The following DIAPH3 variants were observed in gnomAD, a reference collection of about 807,000 sequenced individuals.
The protein encoded by DIAPH3 is protein diaphanous homolog 3.
In DIAPH3, 117 loss-of-function variants were observed where a neutral mutation model predicts 144.3. The ratio of observed to expected loss-of-function variants is 0.81; its 90% CI spans 0.70 to 0.95. The LOEUF is 0.95. DIAPH3 is among the 40% of genes least tolerant of loss of function. DIAPH3 has a pLI of 0.00. For missense variants in DIAPH3, 1,421 were observed against 1,412.7 expected (o/e 1.01, Z -0.09); for synonymous variants, 519 against 488.9 (o/e 1.06, Z -0.81).
At chr13:59,774,396 G>T in intron 26 of DIAPH3, 148 bp from the exon 27 acceptor site, 1 of 712,062 alleles carries the variant, frequency 1.4e-6, no homozygotes, top group Non-Finnish European at 2.4e-6. Flanking sequence ...AAGCAGTAAT[G>T]TTATGACTTT....
chr13:59,709,584 G>A (rs1259007982), intron 27 of DIAPH3, among the ~76,000 whole-genome samples: 1 of 152,176 alleles, frequency 6.6e-6, no homozygotes, highest in Non-Finnish European at 1.5e-5. Flanking sequence ...TCATTAAAAA[G>A]TCAGCAAACA....
intron 27 of DIAPH3, among the ~76,000 whole-genome samples, chr13:59,762,815 A>G (rs902887642): frequency 6.6e-5 from 10 of 152,170 alleles, no homozygotes; most frequent in Non-Finnish European, 1.5e-4. Flanking sequence ...TTGTGACATG[A>G]GAACTTTACA....
chr13:59,868,738 C>T (rs1325431425), intron 21 of DIAPH3, among the ~76,000 whole-genome samples: 1 of 152,132 alleles, frequency 6.6e-6, no homozygotes. Context: ...TCCCTCTCCT[C>T]AGAACCCCTG....
chr13:59,803,766 A>C (rs886306076), intron 25 of DIAPH3, among the ~76,000 whole-genome samples: 1 of 152,178 alleles, frequency 6.6e-6, no homozygotes, highest in African/African-American at 2.4e-5. Flanking sequence ...TTCATAATTT[A>C]AGCTATGTTA....
At chr13:60,140,864 G>T (rs1310633570) in intron 1 of DIAPH3, among the ~76,000 whole-genome samples, 3 of 152,074 alleles carry the variant, frequency 2.0e-5, no homozygotes, top group African/African-American at 7.2e-5. Context: ...TAATAGGCTA[G>T]TTTTTTAATG....
intron 24 of DIAPH3, among the ~76,000 whole-genome samples, chr13:59,814,148 G>A (rs904162461): frequency 6.6e-6 from 1 of 152,126 alleles, no homozygotes; most frequent in Non-Finnish European, 1.5e-5. Context: ...TTTCTGATGT[G>A]AATTTTCTAC....
At chr13:60,105,099 C>CAAAAAAAAAAAAAAAAAAAAAAAAAAAAA (rs60853102) in intron 3 of DIAPH3, among the ~76,000 whole-genome samples, 2 of 41,826 alleles carry the variant, frequency 4.8e-5, no homozygotes, top group Non-Finnish European at 4.4e-5. Flanking sequence ...GACACGATCT[C>CAAAAAAAAAAAAAAAAAAAAAAAAAAAAA]AAAAAAAAAA....
intron 4 of DIAPH3, among the ~76,000 whole-genome samples, chr13:60,045,686 GTGGAGGTTAAC>G (rs1321625935): frequency 6.6e-6 from 1 of 152,192 alleles, no homozygotes; most frequent in Non-Finnish European, 1.5e-5. Flanking sequence ...AAATACAGCA[GTGGAGGTTAAC>G]TAGATGATCT....
chr13:59,960,992 A>G (rs1261446540), intron 17 of DIAPH3, among the ~76,000 whole-genome samples: 1 of 152,210 alleles, frequency 6.6e-6, no homozygotes, highest in East Asian at 1.9e-4. Context: ...AACTAGATAT[A>G]CAGAATAATC....
chr13:60,100,621 G>A (rs1273058308), intron 3 of DIAPH3, among the ~76,000 whole-genome samples: 1 of 151,752 alleles, frequency 6.6e-6, no homozygotes, highest in Admixed American at 6.6e-5. Flanking sequence ...TTTGGTGAAA[G>A]GTATACAAGA....
intron 2 of DIAPH3, among the ~76,000 whole-genome samples, chr13:60,116,353 A>T (rs1472315738): frequency 6.6e-6 from 1 of 152,074 alleles, no homozygotes; most frequent in East Asian, 1.9e-4. Flanking sequence ...CAGAAACATA[A>T]AACTGTCTCC....
At chr13:60,162,135 C>G (rs930086954) in intron 1 of DIAPH3, among the ~76,000 whole-genome samples, 2 of 152,122 alleles carry the variant, frequency 1.3e-5, no homozygotes, top group Admixed American at 6.5e-5. Context: ...TTATGAGAAT[C>G]CATTTAACAA....
chr13:60,077,750 C>T (rs1221551627), intron 4 of DIAPH3, among the ~76,000 whole-genome samples: 3 of 152,020 alleles, frequency 2.0e-5, no homozygotes, highest in Non-Finnish European at 4.4e-5. Flanking sequence ...TCTCTGCCTT[C>T]GTGGAGCTTC....
At chr13:60,101,444 C>T (rs540457229) in intron 3 of DIAPH3, among the ~76,000 whole-genome samples, 2 of 152,284 alleles carry the variant, frequency 1.3e-5, no homozygotes, top group East Asian at 3.9e-4. Flanking sequence ...CCAGATTGCA[C>T]CCAGGACGGT....
intron 4 of DIAPH3, among the ~76,000 whole-genome samples, chr13:60,046,766 T>C (rs1439783046): frequency 6.6e-6 from 1 of 152,108 alleles, no homozygotes; most frequent in Non-Finnish European, 1.5e-5. Flanking sequence ...ATGTGGCACA[T>C]ATACACCATG....
intron 3 of DIAPH3, among the ~76,000 whole-genome samples, chr13:60,111,223 G>A (rs928635830): frequency 6.6e-6 from 1 of 152,076 alleles, no homozygotes; most frequent in African/African-American, 2.4e-5. Context: ...CATTAACAGA[G>A]GCAAAGGCTA....
intron 17 of DIAPH3, among the ~76,000 whole-genome samples, chr13:59,933,470 G>T (rs1383434611): frequency 6.6e-6 from 1 of 152,202 alleles, no homozygotes; most frequent in African/African-American, 2.4e-5. Context: ...CCATGAATCG[G>T]TGGAGCTACT....
chr13:59,783,140 C>T (rs2038834867), intron 25 of DIAPH3, among the ~76,000 whole-genome samples: 1 of 152,076 alleles, frequency 6.6e-6, no homozygotes, highest in Non-Finnish European at 1.5e-5. Context: ...ACCCAAGAGG[C>T]ATGTTTAATG....
chr13:59,788,380 A>C (rs1173510188), intron 25 of DIAPH3, among the ~76,000 whole-genome samples: 2 of 152,146 alleles, frequency 1.3e-5, no homozygotes, highest in African/African-American at 2.4e-5. Context: ...AGCACTTTGG[A>C]AGGCCAACGT....
Sources: gnomAD v4.1 joint callset for allele counts (sites outside exome capture counted in the v4.1 genomes callset) on GRCh38, gnomAD v4.1.1 for gene constraint, MANE v1.5 for transcripts, NCBI Gene and HGNC (gene_info 2026-07-23, HGNC 2026-07-21) for gene names.